Variants in ZNF490 observed in about 807,000 individuals in gnomAD.
ZNF490 encodes zinc finger protein 490.
A neutral mutation model predicts 17.7 loss-of-function variants in ZNF490; 11 were observed. The observed-to-expected ratio is 0.62, with a 90% confidence interval of 0.39 to 1.03. ZNF490 has a LOEUF of 1.03. Ranked by LOEUF, ZNF490 falls within the 50% of genes least tolerant of loss-of-function variation. The pLI is 0.00. For synonymous variants in ZNF490, 222 were observed against 216.1 expected (o/e 1.03, Z -0.24); for missense variants, 542 against 643.4 (o/e 0.84, Z 1.71).
At chr19:12,605,698 T>C (rs1284421521) in intron 2 of ZNF490, among the ~76,000 whole-genome samples, 1 of 152,132 alleles carries the variant, frequency 6.6e-6, no homozygotes, top group African/African-American at 2.4e-5. Context: ...GCTTTTGGTA[T>C]TGGACTCCGT....
intron 2 of ZNF490, among the ~76,000 whole-genome samples, chr19:12,605,398 T>C (rs1269683631): frequency 6.6e-6 from 1 of 151,802 alleles, no homozygotes; most frequent in Non-Finnish European, 1.5e-5. Flanking sequence ...GGAGGATCGC[T>C]TGATCCCAAG....
chr19:12,609,916 C>T, intron 1 of ZNF490: 1 of 455,252 alleles, frequency 2.2e-6, no homozygotes, highest in East Asian at 7.0e-5. Context: ...GCACTAAAAG[C>T]CAGACTTCGC....
At chr19:12,588,306 T>A (rs190809561) in intron 2 of ZNF490, among the ~76,000 whole-genome samples, 9 of 152,294 alleles carry the variant, frequency 5.9e-5, no homozygotes, top group Admixed American at 4.6e-4. Context: ...CAACACTAAT[T>A]TTTTAAAAGC....
intron 2 of ZNF490, among the ~76,000 whole-genome samples, chr19:12,594,415 G>A (rs1230326235): frequency 2.6e-5 from 4 of 151,006 alleles, no homozygotes; most frequent in Admixed American, 1.3e-4. Flanking sequence ...GCAGTGAGCC[G>A]AGATTTTGCT....
chr19:12,580,339 C>T lies in ZNF490; in HGVS notation c.*146G>A, dbSNP rs1461490003. On this transcript the variant is annotated 3_prime_UTR_variant, in exon 5 of 5. Coordinates refer to ENST00000311437, the MANE Select transcript of ZNF490 (RefSeq NM_020714.3). Reference sequence around the variant, plus strand: ...CCCCATTTGTTAAATATTTCATTGCCGCATGAGTCACGTCTTCAAAGGGAA... The same window carrying T: ...CCCCATTTGTTAAATATTTCATTGCTGCATGAGTCACGTCTTCAAAGGGAA... 8.3e-6 allele frequency: 12 copies of T among 1,451,296 alleles called. No homozygotes were observed. The highest frequency in any genetic ancestry group is 2.6e-4 in the Middle Eastern group (1 of 3,842). The allele number at this position is 1,451,296 out of a possible 1,614,324, so 89.9% of individuals were successfully genotyped here.
Position 12,609,183 on chromosome 19 carries a change from T to G in ZNF490, c.137A>C (p.His46Pro). Residue 46 changes from histidine to proline, a missense_variant, in exon 2 of 5, where the codon CAT becomes CCT. Physicochemically the swap from His to Pro is moderately conservative, Grantham distance 77 (BLOSUM62 -2). Coordinates refer to ENST00000311437, the MANE Select transcript of ZNF490 (RefSeq NM_020714.3). Reference protein sequence around the residue: ...DVLQMQNSEHHGQSIKTQTDS... With the variant: ...DVLQMQNSEHPGQSIKTQTDS... ...AGTTTGAGTCTTGATGCTTTGTCCA[T>G]GGTGTTCACTGTTCTGCATCTAATT... The G allele has an allele frequency of 6.2e-7, 1 of 1,614,130 alleles. No homozygotes were observed. The highest frequency in any genetic ancestry group is 8.5e-7 in the Non-Finnish European group (1 of 1,179,998).
At chr19:12,606,589 C>T (rs1384352630) in intron 2 of ZNF490, among the ~76,000 whole-genome samples, 1 of 152,026 alleles carries the variant, frequency 6.6e-6, no homozygotes, top group Non-Finnish European at 1.5e-5. Flanking sequence ...AAGTGATTTA[C>T]CCACCTCAGC....
At chr19:12,603,218 T>C (rs2039785295) in intron 2 of ZNF490, among the ~76,000 whole-genome samples, 1 of 152,050 alleles carries the variant, frequency 6.6e-6, no homozygotes, top group Non-Finnish European at 1.5e-5. Context: ...GTTAAAATAT[T>C]TGGGCTGCCT....
At position 12,580,421 on chromosome 19, in the gene ZNF490, G is replaced by T. The variant is rs183829213; in HGVS notation, c.*64C>A. 2.0e-6 allele frequency: 3 copies of T among 1,513,732 alleles called. No individual in the cohort carries two copies. The highest frequency in any genetic ancestry group is 2.7e-5 in the South Asian group (2 of 72,998). 93.8% of individuals were successfully genotyped at this position (1,513,732 alleles called of 1,614,324 possible). ...TACATTCCTTGAATTTCTCTCCAGC[G>T]TAAGTACTCTCATACATCCAAAAGG... On this transcript the variant is annotated 3_prime_UTR_variant, in exon 5 of 5. Coordinates refer to ENST00000311437, the MANE Select transcript of ZNF490 (RefSeq NM_020714.3).
intron 2 of ZNF490, among the ~76,000 whole-genome samples, chr19:12,603,703 C>G (rs2023033345): frequency 6.6e-6 from 1 of 150,632 alleles, no homozygotes; most frequent in South Asian, 2.1e-4. Context: ...GTGGTGGGAT[C>G]ATTGCTTGAA....
chr19:12,601,133 A>G (rs1199574940), intron 2 of ZNF490, among the ~76,000 whole-genome samples: 1 of 151,930 alleles, frequency 6.6e-6, no homozygotes, highest in African/African-American at 2.4e-5. Flanking sequence ...TTACGCCTGT[A>G]ATCCCAGCAC....
chr19:12,580,935 G>T lies in ZNF490; in HGVS notation c.1140C>A (p.His380Gln). 1 of 1,614,014 alleles carries T rather than the reference G, an allele frequency of 6.2e-7. No individual in the cohort carries two copies. Among genetic ancestry groups the T allele is most frequent in the Non-Finnish European group, 8.5e-7 (1 of 1,180,004 alleles). Reference protein sequence around the residue: ...AFKSSSSCEVHERTHFGEKPY... With the variant: ...AFKSSSSCEVQERTHFGEKPY... ...GTTTTTCTCCAAAATGAGTTCTTTC[G>T]TGCACTTCACAGGAACTAGATGACT... The change falls in exon 5 of 5, where the codon CAC becomes CAA. Residue 380 changes from histidine (H) to glutamine (Q), a missense_variant. Physicochemically the swap from His to Gln is conservative, Grantham distance 24. Coordinates refer to ENST00000311437, the MANE Select transcript of ZNF490 (RefSeq NM_020714.3).
Position 12,580,149 on chromosome 19 carries a change from A to T in ZNF490, c.*336T>A. On this transcript the variant is annotated 3_prime_UTR_variant, in exon 5 of 5. Transcript: ENST00000311437. ...AAAAACAAACCCCACAAAAGATGGG[A>T]TGGATATAGAATTTTCTTTATAGTT... 2.9e-6 allele frequency: 3 copies of T among 1,040,966 alleles called. No homozygotes were observed. The highest frequency in any genetic ancestry group is 3.5e-6 in the Non-Finnish European group (3 of 866,328). 64.5% of individuals were successfully genotyped at this position (1,040,966 alleles called of 1,614,324 possible).
At chr19:12,592,381 G>A (rs1035941367) in intron 2 of ZNF490, among the ~76,000 whole-genome samples, 13 of 150,316 alleles carry the variant, frequency 8.6e-5, no homozygotes, top group African/African-American at 2.7e-4. Context: ...GTGTTATGAT[G>A]AGACCCCATC....
At chr19:12,608,523 T>C (rs2023101048) in intron 2 of ZNF490, among the ~76,000 whole-genome samples, 1 of 151,880 alleles carries the variant, frequency 6.6e-6, no homozygotes, top group Non-Finnish European at 1.5e-5. Flanking sequence ...CAGGCTGGAG[T>C]ACAGTGGCGC....
At chr19:12,590,072 G>A (rs1394758293) in intron 2 of ZNF490, among the ~76,000 whole-genome samples, 2 of 151,642 alleles carry the variant, frequency 1.3e-5, no homozygotes, top group South Asian at 2.1e-4. Flanking sequence ...GTGCCACCAC[G>A]CCCCGCTAAT....
At chr19:12,599,557 T>C (rs946252039) in intron 2 of ZNF490, among the ~76,000 whole-genome samples, 3 of 152,222 alleles carry the variant, frequency 2.0e-5, no homozygotes, top group Non-Finnish European at 4.4e-5. Context: ...TTATCTGCAC[T>C]TCTGTCTAGG....
chr19:12,599,159 AAAAG>A (rs1403950177), intron 2 of ZNF490, among the ~76,000 whole-genome samples: 9 of 148,008 alleles, frequency 6.1e-5, no homozygotes, highest in African/African-American at 1.0e-4. Context: ...AAAAAAAAAA[AAAAG>A]AAAGAAAGAA....
intron 2 of ZNF490, among the ~76,000 whole-genome samples, chr19:12,594,684 G>A (rs2022912463): frequency 6.6e-6 from 1 of 152,090 alleles, no homozygotes; most frequent in South Asian, 2.1e-4. Context: ...AAGCCCAAAT[G>A]ATGTTGTGGG....
Sources: allele counts gnomAD v4.1 joint callset (sites outside exome capture counted in the v4.1 genomes callset), GRCh38; gene constraint gnomAD v4.1.1; transcripts MANE v1.5; gene names NCBI Gene and HGNC (gene_info 2026-07-23, HGNC 2026-07-21).